The following KCNMA1 variants were observed in gnomAD, a reference collection of about 807,000 sequenced individuals.
KCNMA1 encodes the protein Calcium-activated potassium channel subunit alpha-1.
In KCNMA1, 29 loss-of-function variants were observed where a neutral mutation model predicts 140.0. That is an observed-to-expected ratio of 0.21 (90% CI 0.15 to 0.28). KCNMA1 has a LOEUF of 0.28. KCNMA1 is among the 10% of genes least tolerant of loss of function. The probability of loss-of-function intolerance (pLI) is 1.00; values close to 1 mark genes in which losing one functional copy is unlikely to be tolerated. For synonymous variants in KCNMA1, 612 were observed against 611.9 expected (o/e 1.00, Z 0.00); for missense variants, 880 against 1,602.2 (o/e 0.55, Z 7.70).
At chr10:77,612,657 A>G (rs2720007) in intron 1 of KCNMA1, among the ~76,000 whole-genome samples, 35,560 of 152,114 alleles carry the variant, frequency 0.23, 4,455 homozygotes, top group African/African-American at 0.29. Flanking sequence ...CATGCCCTAC[A>G]TGTATGTTAG....
intron 14 of KCNMA1, among the ~76,000 whole-genome samples, chr10:77,069,497 T>C (rs1434280050): frequency 2.0e-5 from 3 of 152,104 alleles, no homozygotes; most frequent in African/African-American, 4.8e-5. Context: ...GGGCATGCCT[T>C]GAAGTTTAAA....
intron 5 of KCNMA1, among the ~76,000 whole-genome samples, chr10:77,151,101 CTCTTT>C (rs1597277977): frequency 2.0e-5 from 3 of 152,052 alleles, no homozygotes; most frequent in Admixed American, 1.3e-4. Context: ...TTCTCTCTCT[CTCTTT>C]TCTTCTCTCT....
chr10:77,472,144 C>T (rs2098173898), intron 1 of KCNMA1, among the ~76,000 whole-genome samples: 1 of 150,634 alleles, frequency 6.6e-6, no homozygotes, highest in Non-Finnish European at 1.5e-5. Flanking sequence ...ACATACCACA[C>T]ATATCACACA....
chr10:76,999,082 G>A (rs1364992948), intron 19 of KCNMA1, among the ~76,000 whole-genome samples: 2 of 152,194 alleles, frequency 1.3e-5, no homozygotes, highest in Non-Finnish European at 2.9e-5. Context: ...GATTTTGGAG[G>A]CAAGGGAGGG....
At chr10:77,363,696 C>A (rs2094149289) in intron 2 of KCNMA1, among the ~76,000 whole-genome samples, 2 of 152,216 alleles carry the variant, frequency 1.3e-5, no homozygotes, top group Admixed American at 1.3e-4. Flanking sequence ...CCTGGCTTCA[C>A]TTCTCCTTCC....
intron 1 of KCNMA1, among the ~76,000 whole-genome samples, chr10:77,606,123 C>G (rs1208790868): frequency 6.6e-6 from 1 of 152,210 alleles, no homozygotes; most frequent in Non-Finnish European, 1.5e-5. Flanking sequence ...AGCCCTCCAG[C>G]CTCCCAGACA....
At position 77,314,653 on chromosome 10, in the gene KCNMA1, C is replaced by G. The variant is rs571687570; in HGVS notation, c.541-63397G>C. 4.6e-5 allele frequency among the ~76,000 whole-genome samples: 7 copies of G among 152,088 alleles called. No homozygotes were observed. The South Asian group carries it at 1.5e-3, about 32-fold the overall frequency. ...GACCCCTGGTGTGTGGCATGAAGAC[C>G]ATCACATTTGAGTCTGGTCTGAAGC... On this transcript the variant is annotated intron_variant, in intron 2 of 27. Coordinates refer to ENST00000286628, the MANE Select transcript of KCNMA1 (RefSeq NM_001161352.2).
At chr10:77,555,138 C>G (rs1214673685) in intron 1 of KCNMA1, among the ~76,000 whole-genome samples, 3 of 151,992 alleles carry the variant, frequency 2.0e-5, no homozygotes, top group Non-Finnish European at 4.4e-5. Flanking sequence ...AAAGAGGACA[C>G]TGACATAGGG....
chr10:77,438,263 C>T (rs2097304811), intron 1 of KCNMA1, among the ~76,000 whole-genome samples: 1 of 152,070 alleles, frequency 6.6e-6, no homozygotes. Flanking sequence ...TTTCTGTTGG[C>T]ATCCAGTTTC....
rs537599087 is a variant in KCNMA1 at position 76,879,415 on chromosome 10, A to G, written c.3428-1525T>C. On this transcript the variant is annotated intron_variant, in intron 29 of 29. Transcript: ENST00000372403. Reference sequence around the variant, plus strand: ...TGATTTGAACAGATTGGACGATAGGAATTCATAATGCTACATCCTCACAGT... The same window carrying G: ...TGATTTGAACAGATTGGACGATAGGGATTCATAATGCTACATCCTCACAGT... Among the ~76,000 whole-genome samples, 228 of 152,308 alleles carry G rather than the reference A, an allele frequency of 1.5e-3. 1 individual carries two copies. Among genetic ancestry groups the G allele is most frequent in the African/African-American group, 5.2e-3 (215 of 41,568 alleles).
chr10:77,165,608 T>C (rs2098632142), intron 5 of KCNMA1, among the ~76,000 whole-genome samples: 1 of 152,240 alleles, frequency 6.6e-6, no homozygotes, highest in Non-Finnish European at 1.5e-5. Context: ...GTCTGTACTC[T>C]GGAGTCGGGC....
downstream of KCNMA1, chr10:76,884,510 T>C (rs1589471810): frequency 1.4e-5 from 2 of 141,644 alleles, no homozygotes; most frequent in Admixed American, 7.1e-5. Flanking sequence ...GGGACTGGGA[T>C]TGGGGGGTGG....
At chr10:77,603,879 T>G (rs936374707) in intron 1 of KCNMA1, among the ~76,000 whole-genome samples, 2 of 152,178 alleles carry the variant, frequency 1.3e-5, no homozygotes, top group Non-Finnish European at 2.9e-5. Context: ...ACTTGCTACA[T>G]GTGTGGCCTT....
At chr10:77,342,445 G>A (rs2091164933) in intron 2 of KCNMA1, among the ~76,000 whole-genome samples, 1 of 152,180 alleles carries the variant, frequency 6.6e-6, no homozygotes, top group Admixed American at 6.5e-5. Flanking sequence ...CCATAAGAGT[G>A]TGGATTCAGG....
chr10:77,444,012 T>A (rs1385136590), intron 1 of KCNMA1, among the ~76,000 whole-genome samples: 2 of 152,208 alleles, frequency 1.3e-5, no homozygotes, highest in African/African-American at 4.8e-5. Context: ...AAATATCACA[T>A]GTACATATGT....
chr10:77,365,146 C>T (rs2094263463), intron 2 of KCNMA1, among the ~76,000 whole-genome samples: 1 of 152,200 alleles, frequency 6.6e-6, no homozygotes, highest in Non-Finnish European at 1.5e-5. Context: ...GAAGAATCAA[C>T]TAAGGTTCCT....
intron 1 of KCNMA1, among the ~76,000 whole-genome samples, chr10:77,533,164 A>T (rs2154553280): frequency 6.6e-6 from 1 of 152,306 alleles, no homozygotes; most frequent in Admixed American, 6.5e-5. Flanking sequence ...CCAGGGCATG[A>T]CAGTGCTTTC....
rs527515441 is a variant in KCNMA1, at chr10:76,970,351, A to G, written c.2267-284T>C. On this transcript the variant is annotated intron_variant, in intron 19 of 27. Transcript: ENST00000286628. ...TAAGAAAAAAAAAAAAAAAAAAGAAATCATGATTTATCTGTATACCAAAAA... is the reference window on the plus strand; with the variant it reads ...TAAGAAAAAAAAAAAAAAAAAAGAAGTCATGATTTATCTGTATACCAAAAA... The G allele has an allele frequency of 1.3e-3, 485 of 372,286 alleles. 1 individual carries two copies. The highest frequency in any genetic ancestry group is 2.0e-3 in the Non-Finnish European group (392 of 200,100). 23.1% of individuals were successfully genotyped at this position (372,286 alleles called of 1,614,324 possible).
intron 1 of KCNMA1, among the ~76,000 whole-genome samples, chr10:77,475,255 A>T (rs991643944): frequency 3.3e-5 from 5 of 152,166 alleles, no homozygotes; most frequent in African/African-American, 1.2e-4. Flanking sequence ...GCTTCTCAAG[A>T]CTGACATCTA....
Sources: gnomAD v4.1 joint callset for allele counts (sites outside exome capture counted in the v4.1 genomes callset) on GRCh38, gnomAD v4.1.1 for gene constraint, MANE v1.5 for transcripts, NCBI Gene and HGNC (gene_info 2026-07-23, HGNC 2026-07-21) for gene names.